CNTNAP4: variants seen among roughly 807,000 people sequenced by gnomAD.
CNTNAP4 encodes the protein contactin associated protein family member 4, also known as contactin-associated protein-like 4.
In CNTNAP4, 98 loss-of-function variants were observed where a neutral mutation model predicts 148.4. The ratio of observed to expected loss-of-function variants is 0.66; its 90% CI spans 0.56 to 0.78. The LOEUF (loss-of-function observed/expected upper bound fraction) is 0.78. CNTNAP4 is among the 30% of genes least tolerant of loss of function. The pLI, the probability that CNTNAP4 is intolerant of heterozygous loss-of-function variation, is 0.00. For missense variants in CNTNAP4, 1,935 were observed against 1,565.6 expected (o/e 1.24, Z -3.98); for synonymous variants, 730 against 565.1 (o/e 1.29, Z -4.14).
rs1478456392 is a variant in CNTNAP4 at position 76,365,865 on chromosome 16, C to T, written c.390+10354C>T. On this transcript the variant is annotated intron_variant, in intron 3 of 23. Coordinates refer to ENST00000611870, the MANE Select transcript of CNTNAP4 (RefSeq NM_033401.5). ...ATTTTTAAATTCTTAAGTTCTCTTC[C>T]TAGATATAAATAACTACATGGACAA... is the stretch of plus-strand genomic sequence containing the variant. Among the ~76,000 whole-genome samples the T allele has an allele frequency of 2.6e-5, 4 of 151,642 alleles. No homozygotes were observed. The East Asian group carries it at 7.8e-4, about 29-fold the overall frequency.
chr16:76,418,108 T>C (rs2079050946), intron 3 of CNTNAP4, among the ~76,000 whole-genome samples: 1 of 151,650 alleles, frequency 6.6e-6, no homozygotes. Flanking sequence ...TTAATCTTCA[T>C]GTTTATTCTC....
chr16:76,289,340 G>T (rs1050115648), intron 1 of CNTNAP4, among the ~76,000 whole-genome samples: 1 of 152,068 alleles, frequency 6.6e-6, no homozygotes, highest in African/African-American at 2.4e-5. Context: ...CAAGTCTTTT[G>T]TATTGGTTTT....
intron 3 of CNTNAP4, among the ~76,000 whole-genome samples, chr16:76,384,660 A>G (rs1178262160): frequency 6.6e-6 from 1 of 152,164 alleles, no homozygotes; most frequent in African/African-American, 2.4e-5. Flanking sequence ...AGGAACAGTC[A>G]TGGTAGGCGA....
rs533391890 is a variant in CNTNAP4 at position 76,498,624 on chromosome 16, G to A, written c.2295G>A (p.Val765=). The A allele has an allele frequency of 6.2e-7, 1 of 1,612,864 alleles. No individual in the cohort carries two copies. Among genetic ancestry groups the A allele is most frequent in the East Asian group, 2.2e-5 (1 of 44,860 alleles). ...YKEHLPVTKI[V]ITDTGRLHSE... is the part of the protein sequence containing the mutation. ...AACATCTTCCAGTAACTAAGATCGTGATTACAGACACAGGCCGACTGCATT... is the reference window on the plus strand; with the variant it reads ...AACATCTTCCAGTAACTAAGATCGTAATTACAGACACAGGCCGACTGCATT... The change falls in exon 15 of 24, where the codon GTG becomes GTA. Residue 765 remains valine (V), a synonymous_variant. Coordinates refer to ENST00000611870, the MANE Select transcript of CNTNAP4 (RefSeq NM_033401.5).
At chr16:76,496,048 C>A (rs1473204624) in intron 14 of CNTNAP4, among the ~76,000 whole-genome samples, 1 of 150,044 alleles carries the variant, frequency 6.7e-6, no homozygotes, top group Non-Finnish European at 1.5e-5. Flanking sequence ...TTATATCATA[C>A]AACAGATTAT....
At chr16:76,350,899 T>C (rs1188826909) in intron 2 of CNTNAP4, among the ~76,000 whole-genome samples, 1 of 152,154 alleles carries the variant, frequency 6.6e-6, no homozygotes, top group Non-Finnish European at 1.5e-5. Context: ...CAAGTCTCAG[T>C]AACAAAGTTA....
chr16:76,314,656 TATCAATCGGTTC>T (rs1341646046), intron 1 of CNTNAP4, among the ~76,000 whole-genome samples: 1 of 152,176 alleles, frequency 6.6e-6, no homozygotes, highest in African/African-American at 2.4e-5. Context: ...AAGTAAACGT[TATCAATCGGTTC>T]CCTTAACCAT....
rs187912896 is a variant in CNTNAP4 at position 76,400,387 on chromosome 16, G to T, written c.391-27065G>T. On this transcript the variant is annotated intron_variant, in intron 3 of 23. Transcript: ENST00000611870. ...ATTCCATAAATATATACAATTATTTGTCAATTAAAAATAAAAATTCTTGTA... is the reference window on the plus strand; with the variant it reads ...ATTCCATAAATATATACAATTATTTTTCAATTAAAAATAAAAATTCTTGTA... Among the ~76,000 whole-genome samples, 884 of 152,018 alleles carry T rather than the reference G, an allele frequency of 5.8e-3. 12 individuals carry two copies. The highest frequency in any genetic ancestry group is 0.02 in the African/African-American group (814 of 41,480).
intron 1 of CNTNAP4, among the ~76,000 whole-genome samples, chr16:76,291,930 G>A (rs1438802435): frequency 6.6e-6 from 1 of 152,130 alleles, no homozygotes; most frequent in Non-Finnish European, 1.5e-5. Flanking sequence ...CCTTTCCAGT[G>A]CATTTCTCTT....
intron 8 of CNTNAP4, 57 bp from the exon 9 acceptor site, chr16:76,461,899 C>A: frequency 6.6e-7 from 1 of 1,516,426 alleles, no homozygotes; most frequent in Non-Finnish European, 9.1e-7. Context: ...TGTTTCTAAC[C>A]AACTCCTTAT....
At chr16:76,467,627 T>C (rs192413694) in intron 10 of CNTNAP4, 104 bp downstream of exon 10, 3 of 935,694 alleles carry the variant, frequency 3.2e-6, no homozygotes, top group Admixed American at 3.2e-5. Flanking sequence ...CCCATTCTTA[T>C]CTGTTCCACA....
intron 19 of CNTNAP4, among the ~76,000 whole-genome samples, 200 bp downstream of exon 19, chr16:76,538,540 C>G (rs778523754): frequency 1.3e-5 from 2 of 151,778 alleles, no homozygotes; most frequent in African/African-American, 4.8e-5. Flanking sequence ...GCCCTTATCT[C>G]TTTATGATTT....
intron 6 of CNTNAP4, 25 bp downstream of exon 6, chr16:76,448,976 T>C (rs749154128): frequency 6.3e-7 from 1 of 1,598,222 alleles, no homozygotes; most frequent in Non-Finnish European, 8.6e-7. Context: ...TTTCAATTAA[T>C]GCTGATTTTA....
rs910659509 is a variant in CNTNAP4, at chr16:76,559,195, T to C, written c.*512T>C. The C allele has an allele frequency of 2.6e-5, 4 of 152,446 alleles. No homozygotes were observed. The highest frequency in any genetic ancestry group is 2.6e-4 in the Admixed American group (4 of 15,302). 9.4% of individuals were successfully genotyped at this position (152,446 alleles called of 1,614,324 possible). Reference sequence around the variant, plus strand: ...GCATAATAAAGCCCCTTTGCCTTTCTCTGTATTATATTCAATACAATACAT... The same window carrying C: ...GCATAATAAAGCCCCTTTGCCTTTCCCTGTATTATATTCAATACAATACAT... On this transcript the variant is annotated 3_prime_UTR_variant, in exon 24 of 24. Coordinates refer to ENST00000611870, the MANE Select transcript of CNTNAP4 (RefSeq NM_033401.5).
At chr16:76,493,827 G>C (rs2082310669) in intron 13 of CNTNAP4, among the ~76,000 whole-genome samples, 1 of 152,168 alleles carries the variant, frequency 6.6e-6, no homozygotes, top group Non-Finnish European at 1.5e-5. Flanking sequence ...AGACTGGCAT[G>C]TATAGTAACC....
intron 15 of CNTNAP4, among the ~76,000 whole-genome samples, chr16:76,500,527 G>A (rs1372424906): frequency 6.6e-6 from 1 of 151,932 alleles, no homozygotes; most frequent in Non-Finnish European, 1.5e-5. Context: ...CCTACTGTTA[G>A]GCCTGGGATG....
intron 1 of CNTNAP4, among the ~76,000 whole-genome samples, chr16:76,283,544 AAACT>A (rs2143759551): frequency 6.6e-6 from 1 of 152,166 alleles, no homozygotes; most frequent in Non-Finnish European, 1.5e-5. Flanking sequence ...TATTCTTGGC[AAACT>A]AACAAGGGAA....
At chr16:76,525,277 G>A (rs961987289) in intron 17 of CNTNAP4, among the ~76,000 whole-genome samples, 1 of 151,634 alleles carries the variant, frequency 6.6e-6, no homozygotes, top group African/African-American at 2.4e-5. Context: ...AGTATGGTGA[G>A]TGAAAAACTA....
intron 15 of CNTNAP4, among the ~76,000 whole-genome samples, chr16:76,516,930 G>A (rs1166576611): frequency 6.6e-6 from 1 of 152,130 alleles, no homozygotes; most frequent in Non-Finnish European, 1.5e-5. Context: ...CAGGCATAGT[G>A]GTGTGCACCT....
Sources: gnomAD v4.1 joint callset for allele counts (sites outside exome capture counted in the v4.1 genomes callset) on GRCh38, gnomAD v4.1.1 for gene constraint, MANE v1.5 for transcripts, NCBI Gene and HGNC (gene_info 2026-07-23, HGNC 2026-07-21) for gene names.